The following NRXN3 variants were observed in gnomAD, a reference collection of about 807,000 sequenced individuals.
The protein encoded by NRXN3 is neurexin III.
In NRXN3, 32 loss-of-function variants were observed where a neutral mutation model predicts 137.6. The observed-to-expected ratio is 0.23, with a 90% confidence interval of 0.18 to 0.31. The LOEUF is 0.31. Ranked by LOEUF, NRXN3 falls within the 10% of genes least tolerant of loss-of-function variation. NRXN3 has a pLI of 1.00. For missense variants in NRXN3, 1,574 were observed against 2,062.5 expected (o/e 0.76, Z 4.59); for synonymous variants, 798 against 784.5 (o/e 1.02, Z -0.29).
intron 15 of NRXN3, among the ~76,000 whole-genome samples, chr14:79,243,730 A>G (rs1230575261): frequency 6.6e-6 from 1 of 152,154 alleles, no homozygotes; most frequent in Non-Finnish European, 1.5e-5. Context: ...CACAATGGTA[A>G]GTTTTTTGTG....
chr14:78,360,229 T>G (rs1041698218), intron 4 of NRXN3, among the ~76,000 whole-genome samples: 1 of 152,154 alleles, frequency 6.6e-6, no homozygotes, highest in Non-Finnish European at 1.5e-5. Flanking sequence ...TTCCACCTTC[T>G]TAAAGATGCA....
chr14:78,892,268 A>G (rs1260105286), intron 10 of NRXN3, among the ~76,000 whole-genome samples: 1 of 152,014 alleles, frequency 6.6e-6, no homozygotes, highest in African/African-American at 2.4e-5. Flanking sequence ...GAGACATCTG[A>G]GAAGGCTTGA....
At chr14:79,820,151 T>C (rs2099267062) in intron 20 of NRXN3, among the ~76,000 whole-genome samples, 1 of 152,194 alleles carries the variant, frequency 6.6e-6, no homozygotes, top group Non-Finnish European at 1.5e-5. Flanking sequence ...GCCTCTTCTT[T>C]CCCTGTACTC....
chr14:78,570,694 G>A (rs1163919087), intron 4 of NRXN3, among the ~76,000 whole-genome samples: 2 of 152,206 alleles, frequency 1.3e-5, no homozygotes, highest in Non-Finnish European at 2.9e-5. Context: ...GGGAACAGAG[G>A]TGAATGTCCC....
chr14:79,237,303 G>C (rs570443677), intron 15 of NRXN3, among the ~76,000 whole-genome samples: 1 of 152,234 alleles, frequency 6.6e-6, no homozygotes, highest in Non-Finnish European at 1.5e-5. Context: ...CTAATAGCTA[G>C]CTATAGTGAT....
intron 15 of NRXN3, among the ~76,000 whole-genome samples, chr14:79,034,298 C>G (rs886466698): frequency 1.4e-4 from 21 of 148,018 alleles, no homozygotes; most frequent in African/African-American, 5.3e-4. Flanking sequence ...TTCTGTTAAG[C>G]CATAAACCAT....
At chr14:79,663,187 T>G (rs2098542397) in intron 16 of NRXN3, among the ~76,000 whole-genome samples, 1 of 151,922 alleles carries the variant, frequency 6.6e-6, no homozygotes, top group African/African-American at 2.4e-5. Flanking sequence ...TCTACTGGGG[T>G]TACCTTTTCT....
chr14:79,640,446 C>T lies in NRXN3; in HGVS notation c.3445-23332C>T, dbSNP rs2098426546. Among the ~76,000 whole-genome samples, 3 of 135,762 alleles carry T rather than the reference C, an allele frequency of 2.2e-5. 1 individual carries two copies. The highest frequency in any genetic ancestry group is 3.4e-5 in the Non-Finnish European group (2 of 58,368). The allele number at this position is 135,762 out of a possible 152,430, so 89.1% of individuals were successfully genotyped here. A position where few individuals can be genotyped will look rare whatever the true frequency, so the allele number is the denominator to read the frequency against. ...AATGTCCACACTATCTTGACCACTA[C>T]CAAGAAACACTTTTTGCACCATGAT... On this transcript the variant is annotated intron_variant, in intron 16 of 20. Transcript: ENST00000335750.
intron 15 of NRXN3, among the ~76,000 whole-genome samples, chr14:79,314,783 A>G (rs1028603846): frequency 6.9e-6 from 1 of 145,626 alleles, no homozygotes; most frequent in African/African-American, 2.6e-5. Context: ...CCTAACTGGG[A>G]GGCACCCCCC....
chr14:78,671,080 A>G (rs1174371873), intron 6 of NRXN3, among the ~76,000 whole-genome samples: 2 of 152,216 alleles, frequency 1.3e-5, no homozygotes, highest in Non-Finnish European at 2.9e-5. Context: ...AGTAACTAAT[A>G]TTTAAAAGAA....
Position 78,243,659 on chromosome 14 carries a change from TG to T in NRXN3, c.570del (p.Ser191AlafsTer58). The T allele has an allele frequency of 6.3e-7, 1 of 1,598,430 alleles. No individual in the cohort carries two copies. Among genetic ancestry groups the T allele is most frequent in the African/African-American group, 1.3e-5 (1 of 75,048 alleles). The part of the protein sequence containing the change: ...LKYGNSEPRL[L>X]GSRGVQMDAE... ...TATGGAAACTCGGAGCCTCGGCTTC[TG>T]GGGAGCCGGGGTGTCCAGATGGATG... is the stretch of plus-strand genomic sequence containing the variant. On this transcript the variant is annotated frameshift_variant, in exon 2 of 21. Coordinates refer to ENST00000335750, the MANE Select transcript of NRXN3 (RefSeq NM_001330195.2). LOFTEE classifies it high-confidence loss of function. This position sits in a 1 kb window ranked among gnomAD's most constrained non-coding sequence, Gnocchi z 4.2.
rs886980316 is a variant in NRXN3 at position 79,865,110 on chromosome 14, A to G, written c.*3146A>G. ...TTTACGTATTTTCTATAAGTCAACA[A>G]GCTTTAAACAGTATTTAAAACTATG... On this transcript the variant is annotated 3_prime_UTR_variant, in exon 21 of 21. Transcript: ENST00000335750. 1 of 152,230 alleles carries G rather than the reference A, an allele frequency of 6.6e-6. No individual in the cohort carries two copies. Among genetic ancestry groups the G allele is most frequent in the Non-Finnish European group, 1.5e-5 (1 of 68,032 alleles). The allele number at this position is 152,230 out of a possible 1,614,324, so 9.4% of individuals were successfully genotyped here.
intron 16 of NRXN3, among the ~76,000 whole-genome samples, chr14:79,631,639 T>A (rs566677229): frequency 6.6e-6 from 1 of 152,268 alleles, no homozygotes; most frequent in East Asian, 1.9e-4. Context: ...CACTGAGAGG[T>A]GAAGCCGGCT....
intron 4 of NRXN3, among the ~76,000 whole-genome samples, chr14:78,350,770 G>C (rs1156509979): frequency 6.6e-6 from 1 of 152,162 alleles, no homozygotes; most frequent in East Asian, 1.9e-4. Context: ...CAGGCAGTGA[G>C]ATGGAGGGAA....
chr14:79,580,406 C>T (rs1167799620), intron 16 of NRXN3, among the ~76,000 whole-genome samples: 1 of 150,506 alleles, frequency 6.6e-6, no homozygotes, highest in African/African-American at 2.4e-5. Flanking sequence ...TAAACTCAGT[C>T]ATCTTTTCTC....
intron 19 of NRXN3, among the ~76,000 whole-genome samples, chr14:79,727,701 G>A (rs765626628): frequency 1.3e-5 from 2 of 152,100 alleles, no homozygotes; most frequent in Non-Finnish European, 2.9e-5. Flanking sequence ...CATCTACTGT[G>A]AATGACCCTT....
At chr14:78,404,144 G>A (rs886147941) in intron 4 of NRXN3, among the ~76,000 whole-genome samples, 21 of 151,562 alleles carry the variant, frequency 1.4e-4, no homozygotes, top group African/African-American at 4.4e-4. Flanking sequence ...CCTCCAGGCC[G>A]ATGCCTGGCC....
chr14:79,501,414 ATC>A (rs2096825306), intron 16 of NRXN3, among the ~76,000 whole-genome samples: 1 of 152,168 alleles, frequency 6.6e-6, no homozygotes. Context: ...ACTATGCATC[ATC>A]AGTTAAGCTG....
chr14:79,102,042 T>G (rs999068112), intron 15 of NRXN3, among the ~76,000 whole-genome samples: 9 of 152,096 alleles, frequency 5.9e-5, no homozygotes, highest in Non-Finnish European at 1.2e-4. Context: ...GAGAAAGTAA[T>G]GGAACCAATT....
Sources: gnomAD v4.1 joint callset for allele counts (sites outside exome capture counted in the v4.1 genomes callset) on GRCh38, gnomAD v4.1.1 for gene constraint, Gnocchi (gnomAD v3.1) non-coding constraint, MANE v1.5 for transcripts, NCBI Gene and HGNC (gene_info 2026-07-23, HGNC 2026-07-21) for gene names.